The following VPS13D variants were observed in gnomAD, a reference collection of about 807,000 sequenced individuals.
The protein encoded by VPS13D is intermembrane lipid transfer protein VPS13D.
In VPS13D, 187 loss-of-function variants were observed where a neutral mutation model predicts 461.9. The observed-to-expected ratio is 0.40, with a 90% CI of 0.36 to 0.46. The LOEUF is 0.46. VPS13D is among the 20% of genes least tolerant of loss of function. The pLI, the probability that VPS13D is intolerant of heterozygous loss-of-function variation, is 0.60. For missense variants in VPS13D, 4,711 were observed against 5,364.9 expected (o/e 0.88, Z 3.81); for synonymous variants, 1,951 against 1,986.3 (o/e 0.98, Z 0.47).
chr1:12,351,565 C>T (rs1557726497), intron 46 of VPS13D, among the ~76,000 whole-genome samples: 2 of 151,686 alleles, frequency 1.3e-5, no homozygotes, highest in Admixed American at 6.6e-5. Flanking sequence ...GCTGGGATTA[C>T]AGGCGTGAGC....
chr1:12,327,687 C>A lies in VPS13D; in HGVS notation c.8030C>A (p.Ala2677Glu). 1 of 1,614,066 alleles carries A rather than the reference C, an allele frequency of 6.2e-7. No homozygotes were observed. The highest frequency in any genetic ancestry group is 8.5e-7 in the Non-Finnish European group (1 of 1,179,998). ...KKAASWLFKN[A>E]EPLKSLSLAS... Reference sequence around the variant, plus strand: ...GCAGCAAGTTGGTTGTTTAAGAATGCGGAACCTCTGAAGTCTCTTTCCTTG... The same window carrying A: ...GCAGCAAGTTGGTTGTTTAAGAATGAGGAACCTCTGAAGTCTCTTTCCTTG... Residue 2677 changes from alanine (A) to glutamate (E), a missense_variant, in exon 36 of 70, where the codon GCG (alanine) becomes GAG (glutamate). Physicochemically the swap from Ala to Glu is moderately radical, Grantham distance 107 (BLOSUM62 -1). Coordinates refer to ENST00000620676, the MANE Select transcript of VPS13D (RefSeq NM_015378.4).
At chr1:12,506,650 C>T (rs80073094) in intron 68 of VPS13D, among the ~76,000 whole-genome samples, 1,773 of 152,376 alleles carry the variant, frequency 0.012, 39 homozygotes, top group African/African-American at 0.039. Flanking sequence ...TTACAGTTTT[C>T]TGTAAGCTTT....
At chr1:12,483,728 G>A (rs750454516) in intron 67 of VPS13D, among the ~76,000 whole-genome samples, 39 of 151,198 alleles carry the variant, frequency 2.6e-4, no homozygotes, top group Non-Finnish European at 5.3e-4. Flanking sequence ...AGCCAGGCAC[G>A]GTGGCTCACG....
At chr1:12,323,845 C>T (rs1425817795) in intron 35 of VPS13D, 65 bp downstream of exon 35, 26 of 1,532,144 alleles carry the variant, frequency 1.7e-5, no homozygotes, top group Non-Finnish European at 2.3e-5. Flanking sequence ...CCCATTTCCT[C>T]TCTTACTTCC....
intron 62 of VPS13D, among the ~76,000 whole-genome samples, chr1:12,403,009 G>C (rs931277612): frequency 5.3e-5 from 8 of 152,190 alleles, no homozygotes; most frequent in African/African-American, 1.9e-4. Context: ...AGCTGTTTCT[G>C]CTTCCTCAGC....
At chr1:12,454,188 A>T (rs1409984825) in intron 65 of VPS13D, among the ~76,000 whole-genome samples, 3 of 152,138 alleles carry the variant, frequency 2.0e-5, no homozygotes, top group Non-Finnish European at 4.4e-5. Flanking sequence ...GCTCAGAGGT[A>T]GGTGACCTCG....
Position 12,260,673 on chromosome 1 carries a change from T to G in VPS13D, c.1111-20T>G. The G allele has an allele frequency of 6.2e-7, 1 of 1,611,250 alleles. No individual in the cohort carries two copies. The highest frequency in any genetic ancestry group is 1.1e-5 in the South Asian group (1 of 91,002). On this transcript the variant is annotated intron_variant, in intron 10 of 69. Transcript: ENST00000620676. ...AACGTTTGTGTTTTTGTTTATTTGC[T>G]TTTGTTTTCACCCAAACAGGAGGAA...
At chr1:12,456,463 C>G (rs1045565887) in intron 66 of VPS13D, among the ~76,000 whole-genome samples, 1 of 151,854 alleles carries the variant, frequency 6.6e-6, no homozygotes, top group Admixed American at 6.6e-5. Context: ...CATGGTGGAA[C>G]CCCATCTCTA....
At chr1:12,342,865 A>G (rs762359852) in intron 41 of VPS13D, 34 bp from the exon 42 acceptor site, 7 of 1,586,720 alleles carry the variant, frequency 4.4e-6, no homozygotes, top group Non-Finnish European at 6.0e-6. Flanking sequence ...GGGAAGAAAC[A>G]GGGACAGGCT....
At chr1:12,259,495 G>T (rs553128868) in intron 10 of VPS13D, among the ~76,000 whole-genome samples, 1 of 151,912 alleles carries the variant, frequency 6.6e-6, no homozygotes, top group South Asian at 2.1e-4. Context: ...ATAGAGACAG[G>T]GTTTCGCTGT....
chr1:12,341,971 C>T (rs1215989664), intron 41 of VPS13D, 86 bp downstream of exon 41: 4 of 1,163,030 alleles, frequency 3.4e-6, no homozygotes, highest in Non-Finnish European at 5.0e-6. Flanking sequence ...TGGGCCCCCT[C>T]TTGAGGCTCT....
intron 42 of VPS13D, among the ~76,000 whole-genome samples, chr1:12,343,662 A>G (rs1569958132): frequency 6.6e-6 from 1 of 152,380 alleles, no homozygotes; most frequent in Admixed American, 6.5e-5. Context: ...GGCGTGAGCC[A>G]CTGCACCCAG....
intron 27 of VPS13D, among the ~76,000 whole-genome samples, chr1:12,310,945 C>A (rs975480973): frequency 4.0e-5 from 6 of 151,314 alleles, no homozygotes; most frequent in Non-Finnish European, 7.4e-5. Context: ...CCCACAGGGT[C>A]TCACTCTGTC....
At chr1:12,454,577 A>G (rs1190195663) in intron 65 of VPS13D, among the ~76,000 whole-genome samples, 1 of 152,250 alleles carries the variant, frequency 6.6e-6, no homozygotes, top group Non-Finnish European at 1.5e-5. Flanking sequence ...CTGTTGCTTT[A>G]CATGGAATTG....
At chr1:12,318,625 G>A (rs1642952627) in intron 31 of VPS13D, among the ~76,000 whole-genome samples, 1 of 152,110 alleles carries the variant, frequency 6.6e-6, no homozygotes, top group Non-Finnish European at 1.5e-5. Flanking sequence ...CCAGTGTACA[G>A]TCTGTCTGTA....
At chr1:12,278,175 G>A in intron 19 of VPS13D, 137 bp downstream of exon 19, 1 of 937,550 alleles carries the variant, frequency 1.1e-6, no homozygotes, top group Non-Finnish European at 1.5e-6. Flanking sequence ...AAATCAAAGA[G>A]TTTTAATAGA....
At chr1:12,255,325 A>G (rs1186138596) in intron 7 of VPS13D, among the ~76,000 whole-genome samples, 1 of 152,208 alleles carries the variant, frequency 6.6e-6, no homozygotes, top group Non-Finnish European at 1.5e-5. Flanking sequence ...AAAGGTAAAG[A>G]TCTTTATGAT....
At chr1:12,398,070 G>A (rs1644522227) in intron 60 of VPS13D, among the ~76,000 whole-genome samples, 1 of 152,168 alleles carries the variant, frequency 6.6e-6, no homozygotes, top group African/African-American at 2.4e-5. Context: ...GGAAGGGTGT[G>A]TATGACTCGA....
At chr1:12,249,941 T>A (rs1051525477) in intron 6 of VPS13D, among the ~76,000 whole-genome samples, 8 of 152,300 alleles carry the variant, frequency 5.3e-5, no homozygotes, top group African/African-American at 1.9e-4. Context: ...CTTAGTCCCA[T>A]AGGACCGCCT....
Sources: allele counts gnomAD v4.1 joint callset (sites outside exome capture counted in the v4.1 genomes callset), GRCh38; gene constraint gnomAD v4.1.1; transcripts MANE v1.5; gene names NCBI Gene and HGNC (gene_info 2026-07-23, HGNC 2026-07-21).